The following ANO8 variants were observed in gnomAD, a reference collection of about 807,000 sequenced individuals.
ANO8 encodes anoctamin 8.
In ANO8, 67 loss-of-function variants were observed where a neutral mutation model predicts 120.4. The ratio of observed to expected loss-of-function variants is 0.56; its 90% CI spans 0.46 to 0.68. ANO8 has a LOEUF of 0.68. Among genes scored for constraint, ANO8 ranks in the 30% least tolerant of loss-of-function variants. The pLI, the probability that ANO8 is intolerant of heterozygous loss-of-function variation, is 0.00. For synonymous variants in ANO8, 727 were observed against 759.2 expected (o/e 0.96, Z 0.70); for missense variants, 1,526 against 1,737.6 (o/e 0.88, Z 2.16).
chr19:17,334,383 C>A (rs1404829107), intron 1 of ANO8, among the ~76,000 whole-genome samples, 182 bp downstream of exon 1: 5 of 152,294 alleles, frequency 3.3e-5, no homozygotes, highest in South Asian at 4.1e-4. Context: ...CGCGCCGGGA[C>A]CCCAGCCCGA....
rs1368792270 is a variant in ANO8, at chr19:17,323,658, C to G, written c.3558G>C (p.Gln1186His). The stretch of plus-strand genomic sequence containing the variant: ...AAAAGCTGGCGTCTCCCGGCAGGGG[C>G]TGGGGGGCGGGTGGGGGCCCGGCCA... ...CAMAGPPPAPQPLPGDASFYS... is the reference protein window; with the variant it reads ...CAMAGPPPAPHPLPGDASFYS... Residue 1186 changes from glutamine to histidine, a missense_variant, in exon 18 of 18, where the codon CAG (glutamine) becomes CAC (histidine). Coordinates refer to ENST00000159087, the MANE Select transcript of ANO8 (RefSeq NM_020959.3). 1.2e-4 allele frequency: 18 copies of G among 153,840 alleles called. No homozygotes were observed. The highest frequency in any genetic ancestry group is 5.5e-4 in the South Asian group (2 of 3,656). 9.5% of individuals were successfully genotyped at this position (153,840 alleles called of 1,614,324 possible).
chr19:17,331,401 C>T lies in ANO8; in HGVS notation c.597G>A (p.Leu199=), dbSNP rs1432772485. ...FLEDQPIIPE[L]AARGIIQQVF... ...CCTGCTGGATGATCCCACGTGCTGC[C>T]AGCTCCGGGACTGTGGAGGGAGGAG... The change falls in exon 6 of 18, where the codon CTG becomes CTA. Residue 199 remains leucine, a synonymous_variant. Transcript: ENST00000159087. The T allele has an allele frequency of 6.2e-7, 1 of 1,613,602 alleles. No homozygotes were observed. The highest frequency in any genetic ancestry group is 1.1e-5 in the South Asian group (1 of 91,078).
In ANO8 at chr19:17,327,686, C is replaced by A. The variant is rs750210667; in HGVS notation, c.2418+3G>T. The A allele has an allele frequency of 2.6e-5, 42 of 1,612,006 alleles. No homozygotes were observed. In the East Asian group the frequency reaches 4.5e-4, roughly 17 times the overall value. On this transcript the variant is annotated splice_donor_region_variant and intron_variant, in intron 14 of 17. Coordinates refer to ENST00000159087, the MANE Select transcript of ANO8 (RefSeq NM_020959.3). ...CAGCTCGGATCTCTTGGCTTCCCCCCACCTGCCACTGGCCGATGCTTTCCA... is the reference window on the plus strand; with the variant it reads ...CAGCTCGGATCTCTTGGCTTCCCCCAACCTGCCACTGGCCGATGCTTTCCA...
rs778864409 is a variant in ANO8 at position 17,330,409 on chromosome 19, C to G, written c.1089G>C (p.Leu363=). The change falls in exon 9 of 18, where the codon CTG becomes CTC. Residue 363 remains leucine, a synonymous_variant. Transcript: ENST00000159087. ...LLFQLLVSLP[L]CLACLVCVFL... Reference sequence around the variant, plus strand: ...AGACACAGACGAGGCACGCCAGGCACAGGGGGAGGCTCACAAGCAGCTGGA... The same window carrying G: ...AGACACAGACGAGGCACGCCAGGCAGAGGGGGAGGCTCACAAGCAGCTGGA... 1.3e-6 allele frequency: 2 copies of G among 1,578,790 alleles called. No homozygotes were observed. The highest frequency in any genetic ancestry group is 2.3e-5 in the South Asian group (2 of 86,988).
chr19:17,324,936 C>T lies in ANO8; in HGVS notation c.3112G>A (p.Asp1038Asn). ...GGCGGTGAGTGGCTGCGCTCAGAGT[C>T]CCGCCGGGTCTCGGGTGACTTGAGG... Reference protein sequence around the residue: ...KFLKSPETRRDSERSHSPPKA... With the variant: ...KFLKSPETRRNSERSHSPPKA... The change falls in exon 17 of 18, where the codon GAC becomes AAC. Residue 1038 changes from aspartate (D) to asparagine (N), a missense_variant. Transcript: ENST00000159087. The T allele has an allele frequency of 6.2e-7, 1 of 1,613,322 alleles. No individual in the cohort carries two copies. Among genetic ancestry groups the T allele is most frequent in the Non-Finnish European group, 8.5e-7 (1 of 1,179,914 alleles).
chr19:17,329,979 G>A lies in ANO8; in HGVS notation c.1309C>T (p.Leu437Phe). Reference sequence around the variant, plus strand: ...CTCACCAGGACAACTTTGATGATGAGGTGCTTCTCATAGGCGCTCTCCAGC... The same window carrying A: ...CTCACCAGGACAACTTTGATGATGAAGTGCTTCTCATAGGCGCTCTCCAGC... Reference protein sequence around the residue: ...YRLESAYEKHLIIKVVLFQFV... With the variant: ...YRLESAYEKHFIIKVVLFQFV... Residue 437 changes from leucine to phenylalanine, a missense_variant, in exon 11 of 18, where the codon CTC (leucine) becomes TTC (phenylalanine). Physicochemically the swap from Leu to Phe is conservative, Grantham distance 22 (BLOSUM62 0). Transcript: ENST00000159087. 2 of 1,614,050 alleles carry A rather than the reference G, an allele frequency of 1.2e-6. No homozygotes were observed. The highest frequency in any genetic ancestry group is 3.3e-4 in the Middle Eastern group (2 of 6,060).
intron 12 of ANO8, chr19:17,329,464 C>A (rs1392101093): frequency 2.1e-6 from 1 of 480,410 alleles, no homozygotes; most frequent in African/African-American, 1.9e-5. Context: ...GCAGGCGGAA[C>A]CGCAGGGCCG....
intron 16 of ANO8, among the ~76,000 whole-genome samples, chr19:17,326,795 C>T (rs773712336): frequency 4.6e-5 from 7 of 152,180 alleles, no homozygotes; most frequent in Admixed American, 6.5e-5. Flanking sequence ...AGGAAGCCTC[C>T]GCTGTGTCCC....
At chr19:17,329,177 A>G (rs1055058071) in intron 12 of ANO8, 194 bp from the exon 13 acceptor site, 1 of 496,940 alleles carries the variant, frequency 2.0e-6, no homozygotes, top group Non-Finnish European at 3.5e-6. Context: ...ACAGCCTGGC[A>G]CGCGCAGCGC....
Position 17,327,225 on chromosome 19 carries a change from G to GC in ANO8, c.2661+9dup, listed in dbSNP as rs1453127536. ...CAATGAGAAAACCGAGCCCAGCCTG[G>GC]CCCCCCTACCTTAAAGGCCTCGCGG... On this transcript the variant is annotated intron_variant, in intron 16 of 17. Transcript: ENST00000159087. 6.6e-7 allele frequency: 1 copy of GC among 1,521,710 alleles called. No homozygotes were observed. Among genetic ancestry groups the GC allele is most frequent in the South Asian group, 1.2e-5 (1 of 81,764 alleles). The allele number at this position is 1,521,710 out of a possible 1,614,324, so 94.3% of individuals were successfully genotyped here. A position where few individuals can be genotyped will look rare whatever the true frequency, so the allele number is the denominator to read the frequency against.
intron 5 of ANO8, among the ~76,000 whole-genome samples, chr19:17,331,776 G>A (rs1460590126): frequency 1.3e-5 from 2 of 151,616 alleles, no homozygotes; most frequent in Non-Finnish European, 2.9e-5. Flanking sequence ...TGGGATTATA[G>A]GCGCCCACCA....
chr19:17,329,044 G>T, intron 12 of ANO8, 61 bp from the exon 13 acceptor site: 1 of 1,326,292 alleles, frequency 7.5e-7, no homozygotes, highest in Non-Finnish European at 9.9e-7. Flanking sequence ...CCGGGATCGG[G>T]GGACTCACCC....
At chr19:17,330,738 T>C in intron 8 of ANO8, 90 bp downstream of exon 8, 2 of 1,510,142 alleles carry the variant, frequency 1.3e-6, no homozygotes, top group Non-Finnish European at 1.8e-6. Flanking sequence ...AACAATCCTG[T>C]TTCACACCTC....
In ANO8 at chr19:17,328,694, C is replaced by T. The variant is rs1192090122; in HGVS notation, c.1694G>A (p.Arg565Gln). The change falls in exon 13 of 18, where the codon CGG (arginine) becomes CAG (glutamine). Residue 565 changes from arginine (R) to glutamine (Q), a missense_variant. This residue lies in a region of ANO8 where 467 missense variants were observed against 425.8 expected (regional missense o/e 1.10). Coordinates refer to ENST00000159087, the MANE Select transcript of ANO8 (RefSeq NM_020959.3). ...CTCCTCCCCGCCTTCCCCCGCCCGC[C>T]GCCGCTCCACCAGCGCCGCCTCCTC... is the stretch of plus-strand genomic sequence containing the variant. ...EEEEAALVER[R>Q]RAGEGGEEGD... The T allele has an allele frequency of 1.3e-5, 18 of 1,390,896 alleles. No individual in the cohort carries two copies. The East Asian group carries it at 4.5e-4, about 34-fold the overall frequency. The allele number at this position is 1,390,896 out of a possible 1,614,324, so 86.2% of individuals were successfully genotyped here. A position where few individuals can be genotyped will look rare whatever the true frequency, so the allele number is the denominator to read the frequency against.
In ANO8 at chr19:17,334,717, G is replaced by A. The variant is rs1277717174; in HGVS notation, c.-47C>T. ...GGGCTACGGACGGCCCGGGCGACGGGGAGCCGCGGGCTCATGGGGCCGGTG... is the reference window on the plus strand; with the variant it reads ...GGGCTACGGACGGCCCGGGCGACGGAGAGCCGCGGGCTCATGGGGCCGGTG... On this transcript the variant is annotated 5_prime_UTR_variant, in exon 1 of 18. Coordinates refer to ENST00000159087, the MANE Select transcript of ANO8 (RefSeq NM_020959.3). 2 of 1,328,292 alleles carry A rather than the reference G, an allele frequency of 1.5e-6. No homozygotes were observed. Among genetic ancestry groups the A allele is most frequent in the African/African-American group, 1.6e-5 (1 of 64,236 alleles). 82.3% of individuals were successfully genotyped at this position (1,328,292 alleles called of 1,614,324 possible). A position where few individuals can be genotyped will look rare whatever the true frequency, so the allele number is the denominator to read the frequency against.
intron 1 of ANO8, among the ~76,000 whole-genome samples, chr19:17,334,199 C>T (rs2074342934): frequency 6.6e-6 from 1 of 152,238 alleles, no homozygotes; most frequent in African/African-American, 2.4e-5. Flanking sequence ...GCGTTTAAGT[C>T]ACGCGCCCAA....
Position 17,327,347 on chromosome 19 carries a change from T to C in ANO8, c.2551-2A>G. The C allele has an allele frequency of 6.5e-7, 1 of 1,549,874 alleles. No individual in the cohort carries two copies. The highest frequency in any genetic ancestry group is 8.7e-7 in the Non-Finnish European group (1 of 1,145,878). On this transcript the variant is annotated splice_acceptor_variant, in intron 15 of 17. Transcript: ENST00000159087. LOFTEE classifies it high-confidence loss of function. ...GTACTTGAGGAGCAGAGCGAAGTGC[T>C]GCAGGGGTGGCAGAGAGGAGGCTGC...
At position 17,328,175 on chromosome 19, in the gene ANO8, A is replaced by T. The variant is rs572318281; in HGVS notation, c.2213T>A (p.Met738Lys). The T allele has an allele frequency of 1.3e-6, 2 of 1,548,258 alleles. No individual in the cohort carries two copies. The highest frequency in any genetic ancestry group is 1.8e-6 in the Non-Finnish European group (2 of 1,137,358). The change falls in exon 13 of 18, where the codon ATG becomes AAG. Residue 738 changes from methionine (M) to lysine (K), a missense_variant. By Grantham distance (95) the Met-to-Lys change is moderately conservative. This residue lies in a region of ANO8 where 467 missense variants were observed against 425.8 expected (regional missense o/e 1.10). Transcript: ENST00000159087. ...CCCCCTCCTCACCTCGTACTTCTTC[A>T]TACAGCTCTCCAGCTCTGCCTGGGT... ...QLTQAELESC[M>K]KKYEDTFQDY...
chr19:17,324,076 C>G (rs979546479), intron 17 of ANO8, among the ~76,000 whole-genome samples, 192 bp from the exon 18 acceptor site: 1 of 152,176 alleles, frequency 6.6e-6, no homozygotes, highest in African/African-American at 2.4e-5. Flanking sequence ...ACGGCCCTGC[C>G]GGTCACAGGG....
Sources: allele counts gnomAD v4.1 joint callset (sites outside exome capture counted in the v4.1 genomes callset), GRCh38; gene constraint gnomAD v4.1.1; regional missense constraint gnomAD v4.1.1; transcripts MANE v1.5; gene names NCBI Gene and HGNC (gene_info 2026-07-23, HGNC 2026-07-21).